The following HPSE2 variants were observed in gnomAD, a reference collection of about 807,000 sequenced individuals.
HPSE2 encodes inactive heparanase-2.
Under a neutral mutation model 60.5 loss-of-function variants are expected in HPSE2, and 38 were observed. The observed-to-expected ratio is 0.63, with a 90% confidence interval of 0.48 to 0.82. The LOEUF is 0.82. Among genes scored for constraint, HPSE2 ranks in the 40% least tolerant of loss-of-function variants. The probability of loss-of-function intolerance (pLI) is 0.00; values close to 1 mark genes in which losing one functional copy is unlikely to be tolerated. For synonymous variants in HPSE2, 295 were observed against 293.2 expected, an observed-to-expected ratio of 1.01 and a Z score of -0.06; for missense variants, 713 against 740.4, an observed-to-expected ratio of 0.96 and a Z score of 0.43.
intron 9 of HPSE2, among the ~76,000 whole-genome samples, chr10:98,517,601 A>G (rs1201113880): frequency 1.3e-5 from 2 of 152,198 alleles, no homozygotes; most frequent in Non-Finnish European, 2.9e-5. Context: ...CTCACTTAAG[A>G]AACTTTTTTT....
At chr10:99,153,197 G>C (rs1056891761) in intron 2 of HPSE2, among the ~76,000 whole-genome samples, 2 of 152,210 alleles carry the variant, frequency 1.3e-5, no homozygotes, top group African/African-American at 4.8e-5. Flanking sequence ...CATTGCCCAG[G>C]CTTGCTTAGG....
At chr10:99,008,806 T>A (rs1378658866) in intron 3 of HPSE2, among the ~76,000 whole-genome samples, 1 of 152,208 alleles carries the variant, frequency 6.6e-6, no homozygotes, top group African/African-American at 2.4e-5. Context: ...GAAATGTATA[T>A]AGGGACTAAA....
At chr10:98,869,339 A>C (rs1229651572) in intron 3 of HPSE2, among the ~76,000 whole-genome samples, 1 of 152,162 alleles carries the variant, frequency 6.6e-6, no homozygotes, top group Non-Finnish European at 1.5e-5. Context: ...TTATTAAGAC[A>C]TCTTTTTAAA....
At chr10:99,263,632 G>A in the HPSE2 span, among the ~76,000 whole-genome samples, 1 of 151,974 alleles carries the variant, frequency 6.6e-6, no homozygotes, top group Non-Finnish European at 1.5e-5. Context: ...TGTCCCTCAT[G>A]GCCAGTTTTT....
chr10:98,459,263 T>C lies in HPSE2; in HGVS notation c.*311A>G. 5.1e-6 allele frequency: 2 copies of C among 389,894 alleles called. No homozygotes were observed. The highest frequency in any genetic ancestry group is 4.7e-5 in the South Asian group (2 of 42,452). The allele number at this position is 389,894 out of a possible 1,614,324, so 24.2% of individuals were successfully genotyped here. On this transcript the variant is annotated 3_prime_UTR_variant, in exon 12 of 12. Coordinates refer to ENST00000370552, the MANE Select transcript of HPSE2 (RefSeq NM_021828.5). ...TCATGGGGAGTTGTCTGGAAACATT[T>C]CTCCTGGGAGTGTGCTGTCAGCTCG...
At chr10:98,707,584 T>A (rs560152857) in intron 5 of HPSE2, among the ~76,000 whole-genome samples, 2 of 152,298 alleles carry the variant, frequency 1.3e-5, no homozygotes, top group East Asian at 3.9e-4. Context: ...AGTACTGTTA[T>A]TGTATTCTCT....
intron 3 of HPSE2, chr10:98,924,476 A>G (rs1421155198): frequency 6.6e-6 from 1 of 152,336 alleles, no homozygotes; most frequent in Non-Finnish European, 1.5e-5. Flanking sequence ...ACGGAAGCTA[A>G]GTTGAGGGAA....
chr10:99,225,667 G>GA (rs555195926), intron 2 of HPSE2, among the ~76,000 whole-genome samples: 54 of 152,140 alleles, frequency 3.5e-4, no homozygotes, highest in Non-Finnish European at 6.8e-4. Flanking sequence ...TAGTGATTTG[G>GA]AAAGGGAAGA....
intron 3 of HPSE2, among the ~76,000 whole-genome samples, chr10:98,844,661 T>C (rs1036555537): frequency 3.9e-5 from 6 of 152,200 alleles, no homozygotes; most frequent in African/African-American, 1.4e-4. Context: ...GAAAGTCGCT[T>C]AGCCTCTCTG....
chr10:99,295,783 A>T, the HPSE2 span, among the ~76,000 whole-genome samples: 1 of 152,224 alleles, frequency 6.6e-6, no homozygotes, highest in Non-Finnish European at 1.5e-5. Context: ...CCTGTAAGGA[A>T]GATTTATCCT....
intron 3 of HPSE2, among the ~76,000 whole-genome samples, chr10:99,114,056 C>A (rs913328850): frequency 6.6e-6 from 1 of 150,488 alleles, no homozygotes; most frequent in African/African-American, 2.4e-5. Context: ...CGTTGAAATA[C>A]ACTGGAAATA....
chr10:98,984,839 C>T (rs141574447), intron 3 of HPSE2, among the ~76,000 whole-genome samples: 6 of 152,022 alleles, frequency 3.9e-5, no homozygotes, highest in East Asian at 3.9e-4. Flanking sequence ...AACTACGTGA[C>T]GAATGCACAA....
intron 3 of HPSE2, among the ~76,000 whole-genome samples, chr10:98,830,099 TTCAC>T (rs1344501216): frequency 2.6e-5 from 4 of 152,316 alleles, no homozygotes; most frequent in East Asian, 3.9e-4. Context: ...CATTCATTCA[TTCAC>T]TCACTCATTC....
chr10:98,476,480 A>T (rs928272352), intron 11 of HPSE2, among the ~76,000 whole-genome samples: 17 of 151,652 alleles, frequency 1.1e-4, no homozygotes, highest in African/African-American at 3.9e-4. Flanking sequence ...ATAATAATAA[A>T]AAAGAAAAAG....
chr10:98,971,215 C>G (rs1484965020), intron 3 of HPSE2, among the ~76,000 whole-genome samples: 2 of 152,160 alleles, frequency 1.3e-5, no homozygotes, highest in African/African-American at 4.8e-5. Flanking sequence ...ACAAGAATAA[C>G]AACATAATCC....
intron 3 of HPSE2, among the ~76,000 whole-genome samples, chr10:99,092,996 G>C (rs555217944): frequency 6.6e-6 from 1 of 152,132 alleles, no homozygotes; most frequent in Admixed American, 6.5e-5. Flanking sequence ...TTTGGAGGTC[G>C]AAGTGGGCAG....
intron 2 of HPSE2, among the ~76,000 whole-genome samples, chr10:99,204,586 G>A (rs978127527): frequency 5.9e-5 from 9 of 152,198 alleles, no homozygotes; most frequent in Non-Finnish European, 1.0e-4. Context: ...TGTATAAACC[G>A]CCTGATAAAT....
chr10:98,627,240 G>A (rs972107196), intron 7 of HPSE2, among the ~76,000 whole-genome samples: 2 of 152,140 alleles, frequency 1.3e-5, no homozygotes, highest in African/African-American at 4.8e-5. Flanking sequence ...GGGAGGCTGA[G>A]GTAGGAGGAT....
chr10:99,045,825 AAATTAAATCAGT>A (rs1447501747), intron 3 of HPSE2, among the ~76,000 whole-genome samples: 1 of 152,166 alleles, frequency 6.6e-6, no homozygotes, highest in Non-Finnish European at 1.5e-5. Flanking sequence ...TCAAACTCTG[AAATTAAATCAGT>A]AATTTAAAAA....
Sources: gnomAD v4.1 joint callset for allele counts (sites outside exome capture counted in the v4.1 genomes callset) on GRCh38, gnomAD v4.1.1 for gene constraint, MANE v1.5 for transcripts, NCBI Gene and HGNC (gene_info 2026-07-23, HGNC 2026-07-21) for gene names.